DYM: variants seen among roughly 807,000 people sequenced by gnomAD.
DYM encodes dyggve-Melchior-Clausen syndrome protein.
DYM carries 78 observed loss-of-function variants against 93.1 expected under a neutral mutation model. That is an observed-to-expected ratio of 0.84 (90% CI 0.70 to 1.01). The LOEUF (loss-of-function observed/expected upper bound fraction) is 1.01. DYM is among the 50% of genes least tolerant of loss of function. The pLI is 0.00. For synonymous variants in DYM, 321 were observed against 319.7 expected, an observed-to-expected ratio of 1.00 and a Z score of -0.04; for missense variants, 789 against 845.0, an observed-to-expected ratio of 0.93 and a Z score of 0.82.
chr18:49,050,943 G>A lies in DYM; in HGVS notation c.2026-6739C>T, dbSNP rs117569557. On this transcript the variant is annotated intron_variant, in intron 17 of 17. Coordinates refer to ENST00000675505, the MANE Select transcript of DYM (RefSeq NM_001353214.3). ...GGAATTAAATAAATGAACGAATGAC[G>A]TAAAATCTGCACAAAAATCCTGTGA... Among the ~76,000 whole-genome samples the A allele has an allele frequency of 1.3e-3, 203 of 152,278 alleles. 1 individual carries two copies. The highest frequency in any genetic ancestry group is 1.7e-3 in the Non-Finnish European group (117 of 68,014).
chr18:49,046,078 A>ATG (rs1264810657), intron 17 of DYM, among the ~76,000 whole-genome samples: 2 of 147,114 alleles, frequency 1.4e-5, no homozygotes, highest in African/African-American at 2.6e-5. Context: ...GAGGAGCTGC[A>ATG]TGCGCGCACA....
chr18:49,252,216 CAAAAAAA>C (rs774500057), intron 13 of DYM, among the ~76,000 whole-genome samples: 37 of 27,236 alleles, frequency 1.4e-3, no homozygotes, highest in East Asian at 0.014. Context: ...AGACTTGCCT[CAAAAAAA>C]AAAAAAAAAA....
In DYM at chr18:49,039,914, C is replaced by G. The variant is rs1281061307; in HGVS notation, c.*4141G>C. 6.6e-6 allele frequency: 1 copy of G among 152,212 alleles called. No individual in the cohort carries two copies. The highest frequency in any genetic ancestry group is 6.5e-5 in the Admixed American group (1 of 15,286). 9.4% of individuals were successfully genotyped at this position (152,212 alleles called of 1,614,324 possible). A position where few individuals can be genotyped will look rare whatever the true frequency, so the allele number is the denominator to read the frequency against. On this transcript the variant is annotated 3_prime_UTR_variant, in exon 18 of 18. Coordinates refer to ENST00000675505, the MANE Select transcript of DYM (RefSeq NM_001353214.3). ...TTTTAATTCAAGTAATTAATGTTGT[C>G]TGGTCTTCTCCCATACCTGGGTATT...
rs186310848 is a variant in DYM at position 49,356,713 on chromosome 18, A to G, written c.494+6448T>C. Reference sequence around the variant, plus strand: ...CATTTATGACTCTTTAGGTTCTTGAACCATCTACTCACTGTTACTACCAAA... The same window carrying G: ...CATTTATGACTCTTTAGGTTCTTGAGCCATCTACTCACTGTTACTACCAAA... On this transcript the variant is annotated intron_variant, in intron 6 of 17. Transcript: ENST00000675505. Among the ~76,000 whole-genome samples, 794 of 152,262 alleles carry G rather than the reference A, an allele frequency of 5.2e-3. 26 individuals carry two copies. In the South Asian group the frequency reaches 0.076, roughly 15 times the overall value.
At chr18:49,260,615 C>A (rs1336246014) in intron 11 of DYM, among the ~76,000 whole-genome samples, 1 of 152,044 alleles carries the variant, frequency 6.6e-6, no homozygotes, top group Non-Finnish European at 1.5e-5. Flanking sequence ...AATGAATTTG[C>A]AGTATATGAG....
rs551034816 is a variant in DYM, at chr18:49,277,152, G to A, written c.1125+4845C>T. On this transcript the variant is annotated intron_variant, in intron 10 of 17. Transcript: ENST00000675505. ...TTAAGGTGTCTATGAGACGGCCACT[G>A]GGAAATGTCTGGGGCAGCTGGATAC... Among the ~76,000 whole-genome samples, 4 of 152,110 alleles carry A rather than the reference G, an allele frequency of 2.6e-5. 1 individual carries two copies. The South Asian group carries it at 8.3e-4, about 32-fold the overall frequency.
chr18:49,312,352 C>T (rs1451493077), intron 8 of DYM, among the ~76,000 whole-genome samples: 1 of 152,202 alleles, frequency 6.6e-6, no homozygotes, highest in East Asian at 1.9e-4. Flanking sequence ...GACTGGTCCC[C>T]ACCCTTCACC....
intron 8 of DYM, among the ~76,000 whole-genome samples, chr18:49,301,243 G>A (rs2060910301): frequency 6.6e-6 from 1 of 152,162 alleles, no homozygotes. Context: ...TTCCTGGGCC[G>A]GGCGTGGTGG....
intron 17 of DYM, among the ~76,000 whole-genome samples, chr18:49,080,186 G>A (rs2077741603): frequency 1.4e-5 from 1 of 70,900 alleles, no homozygotes; most frequent in African/African-American, 6.0e-5. Flanking sequence ...CCTCCCGGAC[G>A]GGGCGTCTGG....
At position 49,190,749 on chromosome 18, in the gene DYM, C is replaced by T. The variant is rs547540574; in HGVS notation, c.1625+18802G>A. 9.2e-5 allele frequency among the ~76,000 whole-genome samples: 14 copies of T among 152,276 alleles called. No individual in the cohort carries two copies. The East Asian group carries it at 2.1e-3, about 23-fold the overall frequency. On this transcript the variant is annotated intron_variant, in intron 14 of 17. Coordinates refer to ENST00000675505, the MANE Select transcript of DYM (RefSeq NM_001353214.3). The stretch of plus-strand genomic sequence containing the variant: ...CCACTTATACATGCATTTTCTTCCA[C>T]GTCTGCCACCCCTGAGACAGCAGAC...
At chr18:49,441,248 AT>A (rs2081527412) in intron 1 of DYM, among the ~76,000 whole-genome samples, 1 of 39,858 alleles carries the variant, frequency 2.5e-5, no homozygotes, top group Non-Finnish European at 4.2e-5. Flanking sequence ...TATACATAAT[AT>A]TGTTATATAT....
chr18:49,201,147 A>G (rs867615333), intron 14 of DYM, among the ~76,000 whole-genome samples: 2 of 152,040 alleles, frequency 1.3e-5, no homozygotes, highest in Non-Finnish European at 2.9e-5. Context: ...CCCCTAGCAC[A>G]CTCCTCTTAC....
At chr18:49,269,490 A>T (rs888305311) in intron 11 of DYM, among the ~76,000 whole-genome samples, 2 of 152,210 alleles carry the variant, frequency 1.3e-5, no homozygotes, top group Non-Finnish European at 2.9e-5. Context: ...ACCTATAAAG[A>T]TAGCTGCACT....
chr18:49,446,838 C>T (rs145738096), intron 1 of DYM, among the ~76,000 whole-genome samples: 2 of 152,250 alleles, frequency 1.3e-5, no homozygotes, highest in African/African-American at 4.8e-5. Context: ...GTGGGTGGAT[C>T]ACCTGAGGTC....
In DYM at chr18:49,159,418, T is replaced by C. The variant is rs963721919; in HGVS notation, c.1728+4267A>G. Among the ~76,000 whole-genome samples the C allele has an allele frequency of 2.0e-5, 3 of 152,152 alleles. No individual in the cohort carries two copies. In the East Asian group the frequency reaches 5.8e-4, roughly 29 times the overall value. On this transcript the variant is annotated intron_variant, in intron 15 of 17. Coordinates refer to ENST00000675505, the MANE Select transcript of DYM (RefSeq NM_001353214.3). ...CAGATTTAAAAGTTTGTAAACAAGG[T>C]CTAAAAGATTATTAATAAAAGCTAT...
intron 8 of DYM, among the ~76,000 whole-genome samples, chr18:49,304,168 A>C (rs534564220): frequency 6.6e-6 from 1 of 152,366 alleles, no homozygotes; most frequent in South Asian, 2.1e-4. Flanking sequence ...TACACAATAC[A>C]GAGATGCATG....
intron 2 of DYM, among the ~76,000 whole-genome samples, chr18:49,411,683 G>C (rs28575621): frequency 0.024 from 3,628 of 152,202 alleles, 138 homozygotes; most frequent in African/African-American, 0.081. Context: ...CAAACTGTAA[G>C]TTTCATAACA....
chr18:49,434,951 T>C (rs2080690213), intron 1 of DYM, among the ~76,000 whole-genome samples: 1 of 152,132 alleles, frequency 6.6e-6, no homozygotes, highest in Non-Finnish European at 1.5e-5. Context: ...CTCATGCCTA[T>C]AATCCCAGCA....
chr18:49,216,416 C>A (rs2093046524), intron 13 of DYM, among the ~76,000 whole-genome samples: 1 of 152,200 alleles, frequency 6.6e-6, no homozygotes, highest in African/African-American at 2.4e-5. Context: ...TCCAAGCACA[C>A]AGCTGGAGAT....
Sources: allele counts gnomAD v4.1 joint callset (sites outside exome capture counted in the v4.1 genomes callset), GRCh38; gene constraint gnomAD v4.1.1; transcripts MANE v1.5; gene names NCBI Gene and HGNC (gene_info 2026-07-23, HGNC 2026-07-21).